The following ITSN1 variants were observed in gnomAD, a reference collection of about 807,000 sequenced individuals.
The protein encoded by ITSN1 is intersectin 1.
Under a neutral mutation model 239.8 loss-of-function variants are expected in ITSN1, and 58 were observed. The ratio of observed to expected loss-of-function variants is 0.24; its 90% CI spans 0.20 to 0.30. The LOEUF (loss-of-function observed/expected upper bound fraction) is 0.30. Among genes scored for constraint, ITSN1 ranks in the 10% least tolerant of loss-of-function variants. ITSN1 has a pLI of 1.00. For missense variants in ITSN1, 1,558 were observed against 2,103.3 expected, an observed-to-expected ratio of 0.74 and a Z score of 5.07; for synonymous variants, 780 against 770.8, an observed-to-expected ratio of 1.01 and a Z score of -0.20.
intron 9 of ITSN1, among the ~76,000 whole-genome samples, chr21:33,764,990 G>A (rs2068618985): frequency 6.6e-6 from 1 of 152,216 alleles, no homozygotes; most frequent in African/African-American, 2.4e-5. Context: ...TAGATTAAGG[G>A]GTGGCCAGCT....
intron 1 of ITSN1, among the ~76,000 whole-genome samples, chr21:33,668,158 G>A (rs960393149): frequency 2.0e-5 from 3 of 152,196 alleles, no homozygotes; most frequent in Admixed American, 2.0e-4. Flanking sequence ...CTTTACTTGA[G>A]TCTAGCACTT....
chr21:33,775,614 G>T (rs1283968717), intron 14 of ITSN1, among the ~76,000 whole-genome samples: 1 of 152,144 alleles, frequency 6.6e-6, no homozygotes, highest in Non-Finnish European at 1.5e-5. Context: ...CAAGATCTAG[G>T]CAGGGAAATA....
chr21:33,878,729 G>T (rs1476152435), intron 34 of ITSN1, among the ~76,000 whole-genome samples: 1 of 152,228 alleles, frequency 6.6e-6, no homozygotes, highest in African/African-American at 2.4e-5. Context: ...TTGGGATTTT[G>T]TGTTGCTCTG....
chr21:33,704,753 A>G (rs1247732499), intron 1 of ITSN1, among the ~76,000 whole-genome samples: 1 of 151,922 alleles, frequency 6.6e-6, no homozygotes, highest in African/African-American at 2.4e-5. Flanking sequence ...GAGTAAGGCT[A>G]AGTTGTCATT....
rs1981459472 is a variant in ITSN1, at chr21:33,865,764, C to T, written c.4074+430C>T. Among the ~76,000 whole-genome samples the T allele has an allele frequency of 1.3e-5, 2 of 152,148 alleles. No individual in the cohort carries two copies. The highest frequency in any genetic ancestry group is 1.5e-5 in the Non-Finnish European group (1 of 68,040). ...CCCAGTGGCCCCTTCATTCCTTTCG[C>T]AGTTGGTTCTGCTTGATGTGCTCCC... On this transcript the variant is annotated intron_variant, in intron 32 of 39. Transcript: ENST00000381318. The surrounding 1 kb of genome is among the most constrained non-coding windows in gnomAD (Gnocchi z 4.4).
chr21:33,792,971 T>C (rs575993551), intron 16 of ITSN1, among the ~76,000 whole-genome samples: 1 of 152,122 alleles, frequency 6.6e-6, no homozygotes, highest in South Asian at 2.1e-4. Flanking sequence ...ACCTTCCTCT[T>C]CCTAAGTACC....
chr21:33,781,979 G>A lies in ITSN1; in HGVS notation c.1685-15G>A, dbSNP rs8129069. 968 of 1,573,204 alleles carry A rather than the reference G, an allele frequency of 6.2e-4. 4 individuals carry two copies. The African/African-American group carries it at 0.011, about 18-fold the overall frequency. On this transcript the variant is annotated splice_polypyrimidine_tract_variant and intron_variant, in intron 15 of 39. Coordinates refer to ENST00000381318, the MANE Select transcript of ITSN1 (RefSeq NM_003024.3). The stretch of plus-strand genomic sequence containing the variant: ...TTAAAGTTTTTCTTATCTTTGCGAC[G>A]TTTTTCTAAAATAGGAGATTCACTT...
At chr21:33,847,325 C>A (rs552731207) in intron 29 of ITSN1, among the ~76,000 whole-genome samples, 1 of 152,350 alleles carries the variant, frequency 6.6e-6, no homozygotes, top group South Asian at 2.1e-4. Flanking sequence ...CCCCACCAGT[C>A]CCCACCAGCC....
rs754190857 is a variant in ITSN1 at position 33,722,669 on chromosome 21, A to G, written c.185+18A>G. 2 of 1,552,862 alleles carry G rather than the reference A, an allele frequency of 1.3e-6. No individual in the cohort carries two copies. Among genetic ancestry groups the G allele is most frequent in the South Asian group, 1.3e-5 (1 of 79,710 alleles). On this transcript the variant is annotated intron_variant, in intron 4 of 39. Transcript: ENST00000381318. ...CAGATATGGTAAGTTGGAATTTTACATGAAATTTTACATAAGCATAAGGCA... is the reference window on the plus strand; with the variant it reads ...CAGATATGGTAAGTTGGAATTTTACGTGAAATTTTACATAAGCATAAGGCA...
At chr21:33,647,461 T>C (rs997129088) in intron 1 of ITSN1, among the ~76,000 whole-genome samples, 3 of 152,110 alleles carry the variant, frequency 2.0e-5, no homozygotes, top group Non-Finnish European at 4.4e-5. Context: ...AGTAACCAAA[T>C]AATATTCCGT....
At chr21:33,806,532 C>A (rs577460991) in intron 20 of ITSN1, among the ~76,000 whole-genome samples, 1 of 152,334 alleles carries the variant, frequency 6.6e-6, no homozygotes, top group South Asian at 2.1e-4. Context: ...CGGCCTTTGC[C>A]AAACGGACTT....
intron 2 of ITSN1, 68 bp from the exon 3 acceptor site, chr21:33,721,110 A>G: frequency 1.1e-6 from 1 of 944,954 alleles, no homozygotes; most frequent in South Asian, 1.3e-5. Flanking sequence ...CTGTGGAAAT[A>G]GTGTGTGAGA....
chr21:33,826,920 C>A, intron 26 of ITSN1, 57 bp downstream of exon 26: 1 of 1,430,886 alleles, frequency 7.0e-7, no homozygotes, highest in Non-Finnish European at 9.9e-7. Flanking sequence ...TTGATAGTTG[C>A]TCCCCATCTT....
intron 9 of ITSN1, among the ~76,000 whole-genome samples, chr21:33,764,337 C>T (rs1396652288): frequency 6.6e-6 from 1 of 152,076 alleles, no homozygotes; most frequent in East Asian, 1.9e-4. Context: ...GAATTTCAGC[C>T]ACCTTCTAAC....
intron 28 of ITSN1, among the ~76,000 whole-genome samples, chr21:33,835,305 T>C (rs1378111469): frequency 2.6e-5 from 4 of 152,180 alleles, no homozygotes. Flanking sequence ...CAGGGTTTGC[T>C]GTCCCCTGGA....
chr21:33,714,778 G>T (rs1275613415), intron 1 of ITSN1, among the ~76,000 whole-genome samples: 1 of 151,908 alleles, frequency 6.6e-6, no homozygotes. Flanking sequence ...ATTTCCTCTG[G>T]ATTTGCCATT....
In ITSN1 at chr21:33,890,208, C is replaced by T. The variant is rs752798885; in HGVS notation, c.*1908C>T. The T allele has an allele frequency of 1.2e-4, 18 of 152,110 alleles. No homozygotes were observed. The highest frequency in any genetic ancestry group is 1.6e-4 in the Non-Finnish European group (11 of 68,034). The allele number at this position is 152,110 out of a possible 1,614,324, so 9.4% of individuals were successfully genotyped here. A position where few individuals can be genotyped will look rare whatever the true frequency, so the allele number is the denominator to read the frequency against. ...GCTTTCCTATTTCTATAACCAACACCGTTTGTTTAGTGTATTTATGAAAGA... is the reference window on the plus strand; with the variant it reads ...GCTTTCCTATTTCTATAACCAACACTGTTTGTTTAGTGTATTTATGAAAGA... On this transcript the variant is annotated 3_prime_UTR_variant, in exon 40 of 40. Coordinates refer to ENST00000381318, the MANE Select transcript of ITSN1 (RefSeq NM_003024.3).
intron 29 of ITSN1, among the ~76,000 whole-genome samples, chr21:33,846,610 G>A (rs1164477299): frequency 6.6e-6 from 1 of 152,178 alleles, no homozygotes; most frequent in Middle Eastern, 3.2e-3. Context: ...TATCCCCATG[G>A]CGCCTCACTC....
At chr21:33,786,998 G>A (rs958614934) in intron 16 of ITSN1, among the ~76,000 whole-genome samples, 3 of 152,176 alleles carry the variant, frequency 2.0e-5, no homozygotes, top group African/African-American at 7.2e-5. Context: ...TTTCCCCTGC[G>A]CAGATGAGTG....
Sources: gnomAD v4.1 joint callset for allele counts (sites outside exome capture counted in the v4.1 genomes callset) on GRCh38, gnomAD v4.1.1 for gene constraint, Gnocchi (gnomAD v3.1) non-coding constraint, MANE v1.5 for transcripts, NCBI Gene and HGNC (gene_info 2026-07-23, HGNC 2026-07-21) for gene names.